The following DPF3 variants were observed in gnomAD, a reference collection of about 807,000 sequenced individuals.
DPF3 encodes double PHD fingers 3, also known as zinc finger protein DPF3.
A neutral mutation model predicts 56.8 loss-of-function variants in DPF3; 18 were observed. The observed-to-expected ratio is 0.32, with a 90% CI of 0.22 to 0.47. The LOEUF is 0.47. Ranked by LOEUF, DPF3 falls within the 20% of genes least tolerant of loss-of-function variation. The probability of loss-of-function intolerance (pLI) is 1.00; values close to 1 mark genes in which losing one functional copy is unlikely to be tolerated. For missense variants in DPF3, 403 were observed against 488.8 expected (o/e 0.82, Z 1.65); for synonymous variants, 188 against 180.2 (o/e 1.04, Z -0.35).
intron 1 of DPF3, among the ~76,000 whole-genome samples, chr14:72,868,718 A>C (rs1051505721): frequency 4.6e-5 from 7 of 152,334 alleles, no homozygotes; most frequent in African/African-American, 1.7e-4. Context: ...TGTCCATCAG[A>C]ATGACAGGAA....
chr14:72,743,823 G>A (rs1890225956), intron 3 of DPF3, among the ~76,000 whole-genome samples: 1 of 152,194 alleles, frequency 6.6e-6, no homozygotes, highest in African/African-American at 2.4e-5. Context: ...CCAGGCCCCT[G>A]CCCAAGTCTT....
At chr14:72,780,453 G>A (rs1369814677) in intron 1 of DPF3, among the ~76,000 whole-genome samples, 1 of 152,198 alleles carries the variant, frequency 6.6e-6, no homozygotes, top group East Asian at 1.9e-4. Flanking sequence ...TACTGGGAAT[G>A]TAGAAGCATG....
intron 6 of DPF3, among the ~76,000 whole-genome samples, chr14:72,710,091 G>A (rs1382595071): frequency 6.6e-6 from 1 of 152,220 alleles, no homozygotes; most frequent in African/African-American, 2.4e-5. Context: ...AAATGGAAAA[G>A]TGGGTCTCTC....
chr14:72,691,491 A>C (rs889789155), intron 7 of DPF3, among the ~76,000 whole-genome samples: 1 of 152,182 alleles, frequency 6.6e-6, no homozygotes, highest in African/African-American at 2.4e-5. Flanking sequence ...CCCTTTGGGA[A>C]GCCAAGGCAG....
At chr14:72,724,628 C>A (rs375774399) in intron 4 of DPF3, among the ~76,000 whole-genome samples, 85 of 151,860 alleles carry the variant, frequency 5.6e-4, no homozygotes, top group African/African-American at 2.0e-3. Flanking sequence ...GAGGACCCAG[C>A]CCCACAATGG....
chr14:72,707,480 C>G (rs1888454495), intron 6 of DPF3, among the ~76,000 whole-genome samples: 1 of 152,194 alleles, frequency 6.6e-6, no homozygotes. Context: ...GTCTAAACAT[C>G]TAACAGTAGA....
chr14:72,861,795 GAAAGAA>G (rs1463589138), intron 1 of DPF3, among the ~76,000 whole-genome samples: 4 of 150,826 alleles, frequency 2.7e-5, no homozygotes, highest in African/African-American at 9.8e-5. Context: ...AAGAAAGAAA[GAAAGAA>G]AGAAGGAAAG....
At chr14:72,838,908 C>CTTTTTTTTTTTTTTTTTTTTT (rs376458640) in intron 1 of DPF3, among the ~76,000 whole-genome samples, 2 of 78,586 alleles carry the variant, frequency 2.5e-5, no homozygotes, top group African/African-American at 1.4e-4. Context: ...CATATATATT[C>CTTTTTTTTTTTTTTTTTTTTT]TTTTTTTTTT....
intron 7 of DPF3, among the ~76,000 whole-genome samples, chr14:72,689,766 T>C (rs917885651): frequency 1.3e-5 from 2 of 152,074 alleles, no homozygotes; most frequent in Non-Finnish European, 2.9e-5. Context: ...GCAGAGAACC[T>C]GGGACGACCA....
chr14:72,863,576 C>T (rs1449303122), intron 1 of DPF3, among the ~76,000 whole-genome samples: 2 of 135,508 alleles, frequency 1.5e-5, no homozygotes, highest in African/African-American at 5.6e-5. Flanking sequence ...AAAAAAAAAG[C>T]AACCGATGTG....
intron 5 of DPF3, among the ~76,000 whole-genome samples, chr14:72,719,269 C>T (rs967416397): frequency 1.3e-5 from 2 of 151,238 alleles, no homozygotes; most frequent in South Asian, 2.1e-4. Flanking sequence ...CCATGTTGCC[C>T]GCAGGCTGGT....
chr14:72,809,120 A>G (rs1191683297), intron 1 of DPF3, among the ~76,000 whole-genome samples: 1 of 152,192 alleles, frequency 6.6e-6, no homozygotes, highest in Non-Finnish European at 1.5e-5. Flanking sequence ...ACACGTGTCT[A>G]CTTTCCCTTT....
chr14:72,876,368 T>A (rs1267367150), intron 1 of DPF3, among the ~76,000 whole-genome samples: 1 of 151,836 alleles, frequency 6.6e-6, no homozygotes, highest in African/African-American at 2.4e-5. Flanking sequence ...AGACAGACAA[T>A]CCCCCTTGCT....
At chr14:72,813,554 C>G (rs147089719) in intron 1 of DPF3, among the ~76,000 whole-genome samples, 104 of 152,258 alleles carry the variant, frequency 6.8e-4, no homozygotes, top group South Asian at 2.7e-3. Flanking sequence ...TGGCCTCCCC[C>G]CCGGCACCCA....
chr14:72,836,189 G>A (rs533404711), intron 1 of DPF3: 1 of 985,806 alleles, frequency 1.0e-6, no homozygotes, highest in African/African-American at 1.7e-5. Context: ...TCTGGGGAGG[G>A]GGCACTGAGG....
chr14:72,785,519 T>C (rs866216169), intron 1 of DPF3, among the ~76,000 whole-genome samples: 17 of 152,258 alleles, frequency 1.1e-4, no homozygotes, highest in African/African-American at 3.9e-4. Flanking sequence ...CACAATGAGT[T>C]TTGCCTCCAG....
At chr14:72,879,933 G>C (rs1028636472) in intron 1 of DPF3, 2 of 1,507,980 alleles carry the variant, frequency 1.3e-6, no homozygotes, top group East Asian at 2.5e-5. Flanking sequence ...ACTTTCATAG[G>C]ATTCTTGAAA....
chr14:72,876,290 C>G (rs1336078793), intron 1 of DPF3, among the ~76,000 whole-genome samples: 1 of 152,130 alleles, frequency 6.6e-6, no homozygotes, highest in Non-Finnish European at 1.5e-5. Flanking sequence ...TGGAAAGTAT[C>G]CAAAATGCAT....
chr14:72,780,104 C>G (rs890221285), intron 1 of DPF3, among the ~76,000 whole-genome samples: 2 of 152,204 alleles, frequency 1.3e-5, no homozygotes, highest in African/African-American at 4.8e-5. Flanking sequence ...TCCTCTGACC[C>G]CCCTGCATAT....
Sources: gnomAD v4.1 joint callset for allele counts (sites outside exome capture counted in the v4.1 genomes callset) on GRCh38, gnomAD v4.1.1 for gene constraint, MANE v1.5 for transcripts, NCBI Gene and HGNC (gene_info 2026-07-23, HGNC 2026-07-21) for gene names.